SLC60A2: variants seen among roughly 807,000 people sequenced by gnomAD.
SLC60A2 encodes the protein major facilitator superfamily domain containing 4B.
the SLC60A2 span, chr6:111,259,380 G>C: frequency 5.5e-6 from 2 of 362,722 alleles, no homozygotes; most frequent in African/African-American, 2.1e-5. Context: ...GCGGCGTGCC[G>C]AAGTTCCTCT....
the SLC60A2 span, chr6:111,265,267 GA>G: frequency 1.2e-5 from 12 of 975,518 alleles, no homozygotes; most frequent in Admixed American, 6.2e-5. Flanking sequence ...AATATCTGTT[GA>G]AAAAAAAGAA....
At chr6:111,260,612 C>T in the SLC60A2 span, among the ~76,000 whole-genome samples, 2 of 152,218 alleles carry the variant, frequency 1.3e-5, no homozygotes, top group African/African-American at 4.8e-5. Context: ...GAAACCTCCT[C>T]CTTATCACTT....
chr6:111,259,348 G>A, the SLC60A2 span: 18 of 309,076 alleles, frequency 5.8e-5, no homozygotes, highest in East Asian at 6.2e-4. Flanking sequence ...TGGAGAGCGA[G>A]CGTCTTTTGC....
At chr6:111,266,091 C>T in the SLC60A2 span, 3 of 1,614,056 alleles carry the variant, frequency 1.9e-6, no homozygotes, top group Non-Finnish European at 2.5e-6. Context: ...GTTTGGAGTA[C>T]CTAATGATAA....
the SLC60A2 span, among the ~76,000 whole-genome samples, chr6:111,261,265 A>G: frequency 6.6e-6 from 1 of 152,246 alleles, no homozygotes; most frequent in Non-Finnish European, 1.5e-5. Flanking sequence ...CTCCATGTGC[A>G]TCCAGAAATA....
chr6:111,265,258 A>G, the SLC60A2 span: 4 of 973,904 alleles, frequency 4.1e-6, no homozygotes, highest in Non-Finnish European at 2.4e-6. Context: ...TTATCTGAAA[A>G]TATCTGTTGA....
chr6:111,265,911 A>G, the SLC60A2 span: 1 of 1,613,354 alleles, frequency 6.2e-7, no homozygotes, highest in South Asian at 1.1e-5. Flanking sequence ...TTGGGGGGAC[A>G]AAGGAGCCCC....
chr6:111,263,691 T>G, the SLC60A2 span: 1 of 542,842 alleles, frequency 1.8e-6, no homozygotes, highest in Non-Finnish European at 3.3e-6. Context: ...AAATAATCAC[T>G]TTTAGAAGCA....
At chr6:111,278,847 T>G in the SLC60A2 span, 5 of 152,210 alleles carry the variant, frequency 3.3e-5, no homozygotes, top group Non-Finnish European at 7.3e-5. Context: ...ACATTTTGCT[T>G]CTACACCCTC....
At chr6:111,264,865 G>A in the SLC60A2 span, among the ~76,000 whole-genome samples, 2 of 151,496 alleles carry the variant, frequency 1.3e-5, no homozygotes, top group African/African-American at 4.9e-5. Flanking sequence ...AGGCTGTGTC[G>A]GGCAGATCAC....
chr6:111,263,406 C>G, the SLC60A2 span, among the ~76,000 whole-genome samples: 1 of 152,088 alleles, frequency 6.6e-6, no homozygotes, highest in Non-Finnish European at 1.5e-5. Context: ...ATTTTCCTCC[C>G]TATTTCCCAA....
At chr6:111,274,536 G>A in the SLC60A2 span, among the ~76,000 whole-genome samples, 3 of 152,176 alleles carry the variant, frequency 2.0e-5, no homozygotes, top group Non-Finnish European at 4.4e-5. Flanking sequence ...ATTGACAGGT[G>A]AAGACTTGCT....
the SLC60A2 span, chr6:111,259,695 A>G: frequency 8.1e-6 from 13 of 1,597,808 alleles, no homozygotes; most frequent in East Asian, 1.2e-4. Context: ...GTGGTTCACC[A>G]CCTTGATGCT....
At chr6:111,279,927 CA>C in the SLC60A2 span, among the ~76,000 whole-genome samples, 1 of 151,364 alleles carries the variant, frequency 6.6e-6, no homozygotes, top group South Asian at 2.1e-4. Context: ...CCATCTCAAA[CA>C]AAAAAAATAG....
chr6:111,264,510 C>T, the SLC60A2 span, among the ~76,000 whole-genome samples: 7 of 152,062 alleles, frequency 4.6e-5, no homozygotes, highest in African/African-American at 1.2e-4. Context: ...ACTAAATAGG[C>T]CGGGTGCGGT....
At chr6:111,263,770 T>A in the SLC60A2 span, 1 of 859,878 alleles carries the variant, frequency 1.2e-6, no homozygotes, top group African/African-American at 1.7e-5. Context: ...ATTTATGATA[T>A]TGACTTGATC....
chr6:111,276,742 C>T, the SLC60A2 span, among the ~76,000 whole-genome samples: 1 of 152,168 alleles, frequency 6.6e-6, no homozygotes, highest in African/African-American at 2.4e-5. Flanking sequence ...ACCTTGGAAC[C>T]AGAAGGTGTG....
chr6:111,259,815 A>C, the SLC60A2 span: 1 of 1,234,318 alleles, frequency 8.1e-7, no homozygotes, highest in Non-Finnish European at 1.1e-6. Flanking sequence ...GCGTTACCTA[A>C]TCTGACTGGG....
the SLC60A2 span, among the ~76,000 whole-genome samples, chr6:111,272,616 A>G: frequency 2.0e-5 from 3 of 147,940 alleles, no homozygotes; most frequent in Non-Finnish European, 4.5e-5. Context: ...GGTTCAAGCC[A>G]TTCTCATTCC....
Sources: gnomAD v4.1 joint callset for allele counts (sites outside exome capture counted in the v4.1 genomes callset) on GRCh38, gnomAD v4.1.1 for gene constraint, MANE v1.5 for transcripts, NCBI Gene and HGNC (gene_info 2026-07-23, HGNC 2026-07-21) for gene names.